Variants in RAP1GAP observed in about 807,000 individuals in gnomAD.
RAP1GAP encodes the protein rap1 GTPase-activating protein 1.
In RAP1GAP, 35 loss-of-function variants were observed where a neutral mutation model predicts 87.2. The ratio of observed to expected loss-of-function variants is 0.40; its 90% CI spans 0.31 to 0.53. The LOEUF is 0.53. Ranked by LOEUF, RAP1GAP falls within the 20% of genes least tolerant of loss-of-function variation. RAP1GAP has a pLI of 0.48. For missense variants in RAP1GAP, 734 were observed against 898.9 expected, an observed-to-expected ratio of 0.82 and a Z score of 2.35; for synonymous variants, 375 against 363.9, an observed-to-expected ratio of 1.03 and a Z score of -0.35.
At chr1:21,597,856 G>A in intron 23 of RAP1GAP, 105 bp downstream of exon 23, 1 of 1,505,296 alleles carries the variant, frequency 6.6e-7, no homozygotes, top group South Asian at 1.2e-5. Flanking sequence ...GCCTAGCGGG[G>A]CCTAGGGGGA....
At chr1:21,624,623 C>G (rs1480014361) in intron 3 of RAP1GAP, among the ~76,000 whole-genome samples, 1 of 152,110 alleles carries the variant, frequency 6.6e-6, no homozygotes, top group African/African-American at 2.4e-5. Context: ...GGTTTCCTCT[C>G]CTGTCAAAGG....
intron 7 of RAP1GAP, among the ~76,000 whole-genome samples, chr1:21,616,190 C>CAT (rs56123358): frequency 0.055 from 7,459 of 135,644 alleles, 557 homozygotes; most frequent in Non-Finnish European, 0.075. Context: ...CACACACACA[C>CAT]ATACAATGAC....
chr1:21,655,315 C>T (rs550944348), intron 1 of RAP1GAP, among the ~76,000 whole-genome samples: 7 of 152,298 alleles, frequency 4.6e-5, no homozygotes, highest in South Asian at 2.1e-4. Flanking sequence ...GTATGCTATG[C>T]GGTGCCATGC....
At chr1:21,631,638 A>G (rs1028798198) in intron 2 of RAP1GAP, among the ~76,000 whole-genome samples, 3 of 152,210 alleles carry the variant, frequency 2.0e-5, no homozygotes, top group South Asian at 2.1e-4. Context: ...GTGAGCCGAG[A>G]TTGCGCCATT....
chr1:21,660,303 G>A (rs1276273548), intron 1 of RAP1GAP, among the ~76,000 whole-genome samples: 1 of 107,268 alleles, frequency 9.3e-6, no homozygotes, highest in African/African-American at 3.4e-5. Context: ...AAGGGCACAG[G>A]CTCAAGAGGG....
chr1:21,614,152 G>A (rs1053315853), intron 7 of RAP1GAP, 63 bp from the exon 8 acceptor site: 2 of 1,233,668 alleles, frequency 1.6e-6, no homozygotes, highest in Non-Finnish European at 2.3e-6. Context: ...TTGGAAACAA[G>A]GCCAGAAAGC....
At position 21,608,947 on chromosome 1, in the gene RAP1GAP, C is replaced by T. The variant is rs754343402; in HGVS notation, c.1072-11G>A. 6.2e-7 allele frequency: 1 copy of T among 1,604,304 alleles called. No homozygotes were observed. Among genetic ancestry groups the T allele is most frequent in the Non-Finnish European group, 8.5e-7 (1 of 1,171,074 alleles). ...CTGGAACTCAGGCCCCTGGAAACTC[C>T]CAGTGTGGAGGAGATAAGGAAGGGA... On this transcript the variant is annotated splice_polypyrimidine_tract_variant and intron_variant, in intron 15 of 24. Coordinates refer to ENST00000374765, the MANE Select transcript of RAP1GAP (RefSeq NM_002885.4).
At chr1:21,610,052 T>A (rs1458086162) in intron 14 of RAP1GAP, 68 bp downstream of exon 14, 1 of 1,558,830 alleles carries the variant, frequency 6.4e-7, no homozygotes, top group Admixed American at 1.9e-5. Context: ...CAGAGGGGCA[T>A]CCCAGGGAGG....
At chr1:21,651,227 G>A (rs2096536917) in intron 1 of RAP1GAP, among the ~76,000 whole-genome samples, 1 of 152,224 alleles carries the variant, frequency 6.6e-6, no homozygotes, top group Non-Finnish European at 1.5e-5. Context: ...TGAGAGCCAG[G>A]ATGCAGGAAG....
chr1:21,651,825 T>TGCCGCC lies in RAP1GAP; in HGVS notation c.-148-2035_-148-2030dup, dbSNP rs750473232. ...AAGCTGCGCTTCCGGCCGCTCATGG[T>TGCCGCC]GCCGCCGCCGCCGCCCGGCCCGGCC... On this transcript the variant is annotated intron_variant, in intron 1 of 24. Transcript: ENST00000374765. The TGCCGCC allele has an allele frequency of 3.0e-5, 37 of 1,232,938 alleles. No individual in the cohort carries two copies. The East Asian group carries it at 1.1e-3, about 36-fold the overall frequency. 76.4% of individuals were successfully genotyped at this position (1,232,938 alleles called of 1,614,324 possible).
chr1:21,626,847 C>T (rs1294841055), intron 2 of RAP1GAP: 12 of 455,482 alleles, frequency 2.6e-5, no homozygotes, highest in Admixed American at 1.2e-4. Flanking sequence ...CCATAACTGA[C>T]GCTCATTGGG....
At position 21,613,179 on chromosome 1, in the gene RAP1GAP, G is replaced by T. The variant is rs912923327; in HGVS notation, c.525C>A (p.Pro175=). 6.5e-7 allele frequency: 1 copy of T among 1,548,848 alleles called. No individual in the cohort carries two copies. The highest frequency in any genetic ancestry group is 2.2e-5 in the East Asian group (1 of 44,540). ...NVDRFYPVLY[P]KASRLIVTFD... ...CTGTGCCCAGATCCAGCCATACCTTGGGGTAGAGCACAGGATAGAACCGAT... is the reference window on the plus strand; with the variant it reads ...CTGTGCCCAGATCCAGCCATACCTTTGGGTAGAGCACAGGATAGAACCGAT... The change falls in exon 10 of 25, where the codon CCC becomes CCA. Residue 175 remains proline, a synonymous_variant. Transcript: ENST00000374765. This position sits in a 1 kb window ranked among gnomAD's most constrained non-coding sequence, Gnocchi z 4.7.
In RAP1GAP at chr1:21,618,793, G is replaced by A. The variant is rs895129009; in HGVS notation, c.66+232C>T. Among the ~76,000 whole-genome samples the A allele has an allele frequency of 3.3e-5, 5 of 152,124 alleles. No homozygotes were observed. The East Asian group carries it at 7.7e-4, about 23-fold the overall frequency. ...GACCGAGAGGAGGAGCTAGAATAGA[G>A]GCCCCAGCCCTCTAGCAAGAGAGGG... On this transcript the variant is annotated intron_variant, in intron 5 of 24. Transcript: ENST00000374765.
intron 3 of RAP1GAP, among the ~76,000 whole-genome samples, chr1:21,621,997 A>C (rs2088127911): frequency 6.6e-6 from 1 of 152,150 alleles, no homozygotes; most frequent in Non-Finnish European, 1.5e-5. Flanking sequence ...GGTGCCCCAC[A>C]TGAAAGCACC....
At chr1:21,598,762 G>C (rs1646816238) in intron 21 of RAP1GAP, among the ~76,000 whole-genome samples, 1 of 152,234 alleles carries the variant, frequency 6.6e-6, no homozygotes, top group Admixed American at 6.6e-5. Flanking sequence ...GCTTGCCACT[G>C]ACATAAATCA....
At chr1:21,638,280 A>C (rs1285595996) in intron 2 of RAP1GAP, among the ~76,000 whole-genome samples, 2 of 152,058 alleles carry the variant, frequency 1.3e-5, no homozygotes, top group African/African-American at 2.4e-5. Flanking sequence ...CAACATGGTG[A>C]AACCCCATCT....
intron 23 of RAP1GAP, 50 bp from the exon 24 acceptor site, chr1:21,597,778 C>A (rs111818068): frequency 2.4e-4 from 386 of 1,605,166 alleles, no homozygotes; most frequent in Non-Finnish European, 2.9e-4. Flanking sequence ...GGAGAAGCAA[C>A]GGGGCGGGAG....
chr1:21,663,360 A>G (rs1329387511), intron 1 of RAP1GAP, among the ~76,000 whole-genome samples: 3 of 152,206 alleles, frequency 2.0e-5, no homozygotes, highest in Non-Finnish European at 4.4e-5. Flanking sequence ...TGCCTACAGC[A>G]GTCTGCCAGC....
At chr1:21,656,306 C>T (rs903351960) in intron 1 of RAP1GAP, among the ~76,000 whole-genome samples, 2 of 151,606 alleles carry the variant, frequency 1.3e-5, no homozygotes, top group Admixed American at 1.3e-4. Context: ...TGGCACCCAG[C>T]TACTCAGGAG....
Sources: gnomAD v4.1 joint callset for allele counts (sites outside exome capture counted in the v4.1 genomes callset) on GRCh38, gnomAD v4.1.1 for gene constraint, Gnocchi (gnomAD v3.1) non-coding constraint, MANE v1.5 for transcripts, NCBI Gene and HGNC (gene_info 2026-07-23, HGNC 2026-07-21) for gene names.